FSTL4: variants seen among roughly 807,000 people sequenced by gnomAD.
The protein encoded by FSTL4 is follistatin-related protein 4.
Under a neutral mutation model 78.2 loss-of-function variants are expected in FSTL4, and 28 were observed. The ratio of observed to expected loss-of-function variants is 0.36; its 90% CI spans 0.27 to 0.49. The LOEUF is 0.49. Among genes scored for constraint, FSTL4 ranks in the 20% least tolerant of loss-of-function variants. The probability of loss-of-function intolerance (pLI) is 0.98; values close to 1 mark genes in which losing one functional copy is unlikely to be tolerated. For synonymous variants in FSTL4, 422 were observed against 440.5 expected, an observed-to-expected ratio of 0.96 and a Z score of 0.53; for missense variants, 922 against 1,084.9, an observed-to-expected ratio of 0.85 and a Z score of 2.11.
chr5:133,695,363 C>T, the FSTL4 span, among the ~76,000 whole-genome samples: 1 of 152,198 alleles, frequency 6.6e-6, no homozygotes, highest in Non-Finnish European at 1.5e-5. Flanking sequence ...CACCCTCACC[C>T]ACACTATAAG....
At chr5:133,761,518 T>A in the FSTL4 span, among the ~76,000 whole-genome samples, 2 of 152,222 alleles carry the variant, frequency 1.3e-5, no homozygotes, top group Non-Finnish European at 1.5e-5. Flanking sequence ...CCATTTCCCC[T>A]GAGAAAACCC....
At chr5:133,239,495 T>C (rs1471294107) in intron 7 of FSTL4, among the ~76,000 whole-genome samples, 1 of 152,182 alleles carries the variant, frequency 6.6e-6, no homozygotes, top group Non-Finnish European at 1.5e-5. Flanking sequence ...CAGCACTCTG[T>C]CTCTAGCTCA....
At chr5:133,416,256 C>T (rs1373026910) in intron 3 of FSTL4, among the ~76,000 whole-genome samples, 3 of 152,128 alleles carry the variant, frequency 2.0e-5, no homozygotes, top group Non-Finnish European at 4.4e-5. Flanking sequence ...GCATGAAAAT[C>T]GTAAGGTCGT....
chr5:133,225,780 T>C lies in FSTL4; in HGVS notation c.1055A>G (p.Gln352Arg), dbSNP rs993428756. 1 of 1,605,794 alleles carries C rather than the reference T, an allele frequency of 6.2e-7. No individual in the cohort carries two copies. The highest frequency in any genetic ancestry group is 1.1e-5 in the South Asian group (1 of 89,720). ...VIRVYPESQA[Q>R]EPGVAASLRC... ...TAGGCTGGCTGCCACTCCAGGCTCC[T>C]GTGCCTGGCTCTCTGGATAGACACG... Residue 352 changes from glutamine (Q) to arginine (R), a missense_variant, in exon 9 of 16, where the codon CAG (glutamine) becomes CGG (arginine). Transcript: ENST00000265342. The surrounding 1 kb of genome is among the most constrained non-coding windows in gnomAD (Gnocchi z 4.6).
chr5:133,732,684 G>A, the FSTL4 span, among the ~76,000 whole-genome samples: 8 of 152,108 alleles, frequency 5.3e-5, no homozygotes, highest in South Asian at 2.1e-4. Flanking sequence ...CAGATCCTGC[G>A]CTTGCCCACT....
the FSTL4 span, among the ~76,000 whole-genome samples, chr5:133,636,865 T>A: frequency 6.6e-6 from 1 of 152,172 alleles, no homozygotes; most frequent in Non-Finnish European, 1.5e-5. Flanking sequence ...CAACTGAACA[T>A]TGGTGCTTAA....
At chr5:133,351,934 G>A (rs1754831457) in intron 4 of FSTL4, among the ~76,000 whole-genome samples, 1 of 151,116 alleles carries the variant, frequency 6.6e-6, no homozygotes, top group Admixed American at 6.6e-5. Flanking sequence ...TAATTAAATA[G>A]CAATTAAATT....
intron 3 of FSTL4, among the ~76,000 whole-genome samples, chr5:133,531,148 T>C (rs187865560): frequency 8.8e-4 from 134 of 152,338 alleles, no homozygotes; most frequent in Admixed American, 2.4e-3. Flanking sequence ...TGATCATTGA[T>C]GGGATGCTCT....
chr5:133,500,791 T>C (rs1758478317), intron 3 of FSTL4, among the ~76,000 whole-genome samples: 1 of 152,206 alleles, frequency 6.6e-6, no homozygotes, highest in South Asian at 2.1e-4. Context: ...CTAACCTTTC[T>C]GGATAGAGTA....
At chr5:133,397,344 C>T (rs1756083968) in intron 4 of FSTL4, among the ~76,000 whole-genome samples, 1 of 152,190 alleles carries the variant, frequency 6.6e-6, no homozygotes, top group South Asian at 2.1e-4. Context: ...ATACATCTTT[C>T]CCACACCTCC....
intron 4 of FSTL4, among the ~76,000 whole-genome samples, chr5:133,320,791 A>G (rs934026096): frequency 4.6e-5 from 7 of 151,994 alleles, no homozygotes; most frequent in Non-Finnish European, 7.4e-5. Context: ...GCGGATCACG[A>G]GGTCAGGAGA....
At chr5:133,610,014 T>C (rs1344026960) in intron 1 of FSTL4, among the ~76,000 whole-genome samples, 1 of 152,144 alleles carries the variant, frequency 6.6e-6, no homozygotes, top group East Asian at 1.9e-4. Context: ...CAAGGCAAGG[T>C]AGGAGTTAAG....
intron 3 of FSTL4, among the ~76,000 whole-genome samples, chr5:133,566,606 T>C (rs1359054134): frequency 6.6e-6 from 1 of 152,228 alleles, no homozygotes; most frequent in East Asian, 1.9e-4. Flanking sequence ...CAATTTCCAC[T>C]AAAAGATTTC....
At chr5:133,601,809 G>A (rs775856443) in intron 2 of FSTL4, among the ~76,000 whole-genome samples, 41 of 151,624 alleles carry the variant, frequency 2.7e-4, no homozygotes, top group Admixed American at 1.3e-3. Context: ...TCAGCCTCTC[G>A]AGTAGCTGGG....
intron 3 of FSTL4, among the ~76,000 whole-genome samples, chr5:133,529,864 C>A (rs1290714164): frequency 6.7e-6 from 1 of 150,002 alleles, no homozygotes; most frequent in Non-Finnish European, 1.5e-5. Context: ...TAAAATGTTT[C>A]GGGTTTTTTT....
chr5:133,466,283 C>T (rs1371824189), intron 3 of FSTL4, among the ~76,000 whole-genome samples: 1 of 152,212 alleles, frequency 6.6e-6, no homozygotes, highest in Non-Finnish European at 1.5e-5. Flanking sequence ...TGGCTCAAGC[C>T]TGTAATCCCA....
intron 3 of FSTL4, among the ~76,000 whole-genome samples, chr5:133,564,067 T>C (rs1759976372): frequency 6.6e-6 from 1 of 152,154 alleles, no homozygotes; most frequent in Non-Finnish European, 1.5e-5. Flanking sequence ...GGAGGGTCCC[T>C]TGCAACTTGC....
intron 2 of FSTL4, among the ~76,000 whole-genome samples, chr5:133,598,162 T>A (rs1439739923): frequency 6.6e-6 from 1 of 152,094 alleles, no homozygotes; most frequent in East Asian, 1.9e-4. Flanking sequence ...GCAGTCAGCA[T>A]CATGTCAGCA....
intron 3 of FSTL4, among the ~76,000 whole-genome samples, chr5:133,403,278 C>T (rs1250018056): frequency 2.6e-5 from 4 of 152,166 alleles, no homozygotes; most frequent in Non-Finnish European, 4.4e-5. Flanking sequence ...CTGGCCTCTC[C>T]GAGCCTGCTT....
Sources: allele counts gnomAD v4.1 joint callset (sites outside exome capture counted in the v4.1 genomes callset), GRCh38; gene constraint gnomAD v4.1.1; non-coding constraint Gnocchi (gnomAD v3.1); transcripts MANE v1.5; gene names NCBI Gene and HGNC (gene_info 2026-07-23, HGNC 2026-07-21).